CSMD1: variants seen among roughly 807,000 people sequenced by gnomAD.
CSMD1 encodes the protein CUB and Sushi multiple domains 1.
Under a neutral mutation model 417.5 loss-of-function variants are expected in CSMD1, and 213 were observed. The ratio of observed to expected loss-of-function variants is 0.51; its 90% CI spans 0.46 to 0.57. The LOEUF (loss-of-function observed/expected upper bound fraction) is 0.57. Ranked by LOEUF, CSMD1 falls within the 20% of genes least tolerant of loss-of-function variation. The probability of loss-of-function intolerance (pLI) is 0.00; values close to 1 mark genes in which losing one functional copy is unlikely to be tolerated. For synonymous variants in CSMD1, 2,862 were observed against 1,736.8 expected, an observed-to-expected ratio of 1.65 and a Z score of -16.11; for missense variants, 6,923 against 4,529.7, an observed-to-expected ratio of 1.53 and a Z score of -15.17.
At chr8:4,648,506 T>C (rs1312610452) in intron 1 of CSMD1, among the ~76,000 whole-genome samples, 1 of 152,084 alleles carries the variant, frequency 6.6e-6, no homozygotes, top group Non-Finnish European at 1.5e-5. Context: ...CACACACACA[T>C]GCCTGCTTTC....
intron 1 of CSMD1, among the ~76,000 whole-genome samples, chr8:4,935,672 C>T (rs775100646): frequency 6.6e-6 from 1 of 152,064 alleles, no homozygotes; most frequent in East Asian, 1.9e-4. Flanking sequence ...ACTAAAGAAA[C>T]GAGTTTTACA....
intron 22 of CSMD1, among the ~76,000 whole-genome samples, chr8:3,345,687 T>C (rs1026756174): frequency 6.6e-6 from 1 of 152,202 alleles, no homozygotes; most frequent in African/African-American, 2.4e-5. Context: ...CCTGTAAGTA[T>C]CTGCACTACA....
rs1005817557 is a variant in CSMD1, at chr8:3,387,610, A to T, written c.2666T>A (p.Phe889Tyr). 2 of 1,601,634 alleles carry T rather than the reference A, an allele frequency of 1.2e-6. No individual in the cohort carries two copies. The highest frequency in any genetic ancestry group is 1.7e-6 in the Non-Finnish European group (2 of 1,174,020). Residue 889 changes from phenylalanine (F) to tyrosine (Y), a missense_variant, in exon 18 of 70, where the codon TTT (phenylalanine) becomes TAT (tyrosine). Physicochemically the swap from Phe to Tyr is conservative, Grantham distance 22. Transcript: ENST00000635120. ...PVNGHRHGGD[F>Y]GIRSTVTFSC... Reference sequence around the variant, plus strand: ...GAAAGTCACTGTGGACCTGATGCCAAAGTCTCCACCGTGGCGATGGCCGTT... The same window carrying T: ...GAAAGTCACTGTGGACCTGATGCCATAGTCTCCACCGTGGCGATGGCCGTT...
chr8:3,951,327 C>A (rs186704296), intron 5 of CSMD1, among the ~76,000 whole-genome samples: 3 of 152,280 alleles, frequency 2.0e-5, no homozygotes, highest in African/African-American at 7.2e-5. Flanking sequence ...GTTTTAAGCA[C>A]CAGCCCAGTG....
rs1810097841 is a variant in CSMD1 at position 4,969,400 on chromosome 8, A to G, written c.85+24932T>C. On this transcript the variant is annotated intron_variant, in intron 1 of 69. Transcript: ENST00000635120. ...ACGAGATGGGGATGCTCTTGCCAAG[A>G]TCCAGTAGGGCAAGTTAGCATGCAT... Among the ~76,000 whole-genome samples, 3 of 151,936 alleles carry G rather than the reference A, an allele frequency of 2.0e-5. No individual in the cohort carries two copies. In the East Asian group the frequency reaches 5.8e-4, roughly 30 times the overall value.
intron 3 of CSMD1, among the ~76,000 whole-genome samples, chr8:4,068,617 T>C (rs1163156877): frequency 6.6e-6 from 1 of 152,164 alleles, no homozygotes; most frequent in African/African-American, 2.4e-5. Context: ...ATCTAGTTCA[T>C]ATAATGTTAC....
chr8:4,249,411 T>G (rs944392333), intron 3 of CSMD1, among the ~76,000 whole-genome samples: 1 of 152,176 alleles, frequency 6.6e-6, no homozygotes, highest in African/African-American at 2.4e-5. Flanking sequence ...CAAAGTAAAC[T>G]AATAGTGTTA....
chr8:4,733,164 T>G (rs745911268), intron 1 of CSMD1, among the ~76,000 whole-genome samples: 2 of 152,230 alleles, frequency 1.3e-5, no homozygotes, highest in Non-Finnish European at 2.9e-5. Context: ...AGTCAATGTC[T>G]ACCAAGTACT....
At chr8:4,763,477 A>G (rs1182633140) in intron 1 of CSMD1, among the ~76,000 whole-genome samples, 1 of 152,194 alleles carries the variant, frequency 6.6e-6, no homozygotes, top group African/African-American at 2.4e-5. Flanking sequence ...TGAGAGCTCC[A>G]TAATCATTCA....
At chr8:3,060,530 T>C (rs933356144) in intron 49 of CSMD1, among the ~76,000 whole-genome samples, 1 of 152,212 alleles carries the variant, frequency 6.6e-6, no homozygotes, top group African/African-American at 2.4e-5. Context: ...ACAGACCACT[T>C]ACTTGGCTAG....
Position 4,826,239 on chromosome 8 carries a change from A to T in CSMD1, c.85+168093T>A, listed in dbSNP as rs115305309. ...GTCAAGACATGAAAGCAACCTAAAT[A>T]TCCATTGACAGATGAACATATAAAG... is the stretch of plus-strand genomic sequence containing the variant. On this transcript the variant is annotated intron_variant, in intron 1 of 69. Transcript: ENST00000635120. Among the ~76,000 whole-genome samples the T allele has an allele frequency of 5.0e-3, 756 of 152,194 alleles. 6 individuals carry two copies. The highest frequency in any genetic ancestry group is 0.018 in the African/African-American group (738 of 41,540).
chr8:3,504,911 A>G (rs1390479274), intron 10 of CSMD1, among the ~76,000 whole-genome samples: 2 of 152,184 alleles, frequency 1.3e-5, no homozygotes, highest in Non-Finnish European at 2.9e-5. Flanking sequence ...ACCCGTCAAA[A>G]TGCCAGTGAA....
intron 3 of CSMD1, among the ~76,000 whole-genome samples, chr8:4,245,534 G>C (rs1802652274): frequency 6.6e-6 from 1 of 152,170 alleles, no homozygotes; most frequent in Non-Finnish European, 1.5e-5. Flanking sequence ...GTCTCTCCAT[G>C]CTGGGATGCT....
chr8:4,515,691 C>T (rs1303446504), intron 2 of CSMD1, among the ~76,000 whole-genome samples: 2 of 152,128 alleles, frequency 1.3e-5, no homozygotes, highest in Non-Finnish European at 2.9e-5. Flanking sequence ...CAAGATGAGG[C>T]TGTCCTGCAG....
intron 10 of CSMD1, among the ~76,000 whole-genome samples, chr8:3,539,612 C>T (rs1302662195): frequency 1.3e-5 from 2 of 152,142 alleles, no homozygotes; most frequent in Non-Finnish European, 2.9e-5. Context: ...AGCTCTGCCC[C>T]TCTAAATCCC....
At chr8:4,049,949 C>G (rs1192137306) in intron 3 of CSMD1, among the ~76,000 whole-genome samples, 1 of 152,130 alleles carries the variant, frequency 6.6e-6, no homozygotes. Flanking sequence ...ACGTGCCGTT[C>G]CTCTTTAGGT....
At chr8:4,085,744 G>A (rs1384529923) in intron 3 of CSMD1, among the ~76,000 whole-genome samples, 2 of 152,180 alleles carry the variant, frequency 1.3e-5, no homozygotes, top group Middle Eastern at 3.2e-3. Context: ...AGTAAAAATG[G>A]AGGGAAGATG....
chr8:4,438,742 G>T (rs927654376), intron 2 of CSMD1, among the ~76,000 whole-genome samples: 1 of 152,270 alleles, frequency 6.6e-6, no homozygotes, highest in Non-Finnish European at 1.5e-5. Flanking sequence ...CAAATATTTG[G>T]TTACAAATGA....
intron 5 of CSMD1, among the ~76,000 whole-genome samples, chr8:3,825,999 C>T (rs944646674): frequency 5.3e-5 from 8 of 152,166 alleles, no homozygotes; most frequent in Non-Finnish European, 1.0e-4. Flanking sequence ...TTCTTTATCA[C>T]TTTATTCACT....
Sources: gnomAD v4.1 joint callset for allele counts (sites outside exome capture counted in the v4.1 genomes callset) on GRCh38, gnomAD v4.1.1 for gene constraint, MANE v1.5 for transcripts, NCBI Gene and HGNC (gene_info 2026-07-23, HGNC 2026-07-21) for gene names.